MAP3K14: variants seen among roughly 807,000 people sequenced by gnomAD.
The protein encoded by MAP3K14 is mitogen-activated protein kinase kinase kinase 14, also known as NF-kappa-beta-inducing kinase.
A neutral mutation model predicts 99.2 loss-of-function variants in MAP3K14; 16 were observed. That is an observed-to-expected ratio of 0.16 (90% confidence interval 0.11 to 0.24). The LOEUF (loss-of-function observed/expected upper bound fraction) is 0.24. MAP3K14 is among the 10% of genes least tolerant of loss of function. The probability of loss-of-function intolerance (pLI) is 1.00; values close to 1 mark genes in which losing one functional copy is unlikely to be tolerated. For missense variants in MAP3K14, 784 were observed against 1,208.7 expected, an observed-to-expected ratio of 0.65 and a Z score of 5.21; for synonymous variants, 462 against 492.4, an observed-to-expected ratio of 0.94 and a Z score of 0.82.
Position 45,284,944 on chromosome 17 carries a change from G to T in MAP3K14, c.1158C>A (p.Leu386=), listed in dbSNP as rs2044252246. 1 of 1,551,954 alleles carries T rather than the reference G, an allele frequency of 6.4e-7. No homozygotes were observed. The highest frequency in any genetic ancestry group is 8.7e-7 in the Non-Finnish European group (1 of 1,147,182). Residue 386 remains leucine, a synonymous_variant, in exon 6 of 16, where the codon CTC becomes CTA. Transcript: ENST00000344686. ...CTCGGTACTCATAATCCACTGGCTTGAGTTTCTGGGGTTGGCAGGAGAGAG... is the reference window on the plus strand; with the variant it reads ...CTCGGTACTCATAATCCACTGGCTTTAGTTTCTGGGGTTGGCAGGAGAGAG... ...DNEGVLLTEK[L]KPVDYEYREE...
chr17:45,270,271 CCT>C, intron 11 of MAP3K14, 140 bp downstream of exon 11: 1 of 1,086,376 alleles, frequency 9.2e-7, no homozygotes, highest in Non-Finnish European at 1.3e-6. Context: ...TCCCAACAAC[CCT>C]GAGGCTGCTG....
chr17:45,312,977 G>C (rs74996617), intron 1 of MAP3K14, among the ~76,000 whole-genome samples: 1 of 152,082 alleles, frequency 6.6e-6, no homozygotes, highest in Admixed American at 6.5e-5. Flanking sequence ...ACTTGATCAC[G>C]TGTGGGACAC....
rs1445277946 is a variant in MAP3K14 at position 45,284,823 on chromosome 17, C to T, written c.1279G>A (p.Ala427Thr). ...MEDKQTGFQC[A>T]VKKVRLEVFR... Reference sequence around the variant, plus strand: ...GAGCCCTGGCGTACCTTTTTGACAGCGCACTGGAAGCCAGTCTGCTTGTCC... The same window carrying T: ...GAGCCCTGGCGTACCTTTTTGACAGTGCACTGGAAGCCAGTCTGCTTGTCC... Residue 427 changes from alanine to threonine, a missense_variant, in exon 6 of 16, where the codon GCT (alanine) becomes ACT (threonine). Ala to Thr is a moderately conservative substitution (Grantham distance 58). This residue lies in a region of MAP3K14 where 200 missense variants were observed against 367.9 expected (regional missense o/e 0.54). Transcript: ENST00000344686. The T allele has an allele frequency of 3.8e-6, 6 of 1,595,088 alleles. No homozygotes were observed. Among genetic ancestry groups the T allele is most frequent in the Admixed American group, 1.7e-5 (1 of 57,500 alleles).
chr17:45,288,376 C>A (rs1438764501), intron 3 of MAP3K14, among the ~76,000 whole-genome samples: 2 of 111,564 alleles, frequency 1.8e-5, no homozygotes, highest in East Asian at 5.7e-4. Flanking sequence ...AGCTTGAACT[C>A]TTGTTTTTTT....
intron 10 of MAP3K14, 167 bp downstream of exon 10, chr17:45,270,891 C>T: frequency 9.9e-7 from 1 of 1,011,396 alleles, no homozygotes; most frequent in Non-Finnish European, 1.5e-6. Context: ...TGGATCTCCC[C>T]TTGTACCCCC....
At chr17:45,313,295 C>G (rs2044498523) in intron 1 of MAP3K14, among the ~76,000 whole-genome samples, 1 of 152,100 alleles carries the variant, frequency 6.6e-6, no homozygotes, top group Non-Finnish European at 1.5e-5. Flanking sequence ...ACTACTACTA[C>G]TATTACTACC....
At chr17:45,273,299 A>G (rs11079502) in intron 9 of MAP3K14, among the ~76,000 whole-genome samples, 80,377 of 151,998 alleles carry the variant, frequency 0.53, 21,392 homozygotes, top group Non-Finnish European at 0.55. Context: ...CCCTGTGTAC[A>G]GGAGCATCGA....
Position 45,274,504 on chromosome 17 carries a change from T to C in MAP3K14, c.1380A>G (p.Arg460=), listed in dbSNP as rs1241863222. ...TGAAGATGTTGACCCAAGGCCCTTCTCTCACAGCTCCATACAAAGGGACAA... is the reference window on the plus strand; with the variant it reads ...TGAAGATGTTGACCCAAGGCCCTTCCCTCACAGCTCCATACAAAGGGACAA... ...PRIVPLYGAV[R]EGPWVNIFME... Residue 460 remains arginine, a synonymous_variant, in exon 7 of 16, where the codon AGA becomes AGG. Coordinates refer to ENST00000344686, the MANE Select transcript of MAP3K14 (RefSeq NM_003954.5). 6.2e-7 allele frequency: 1 copy of C among 1,614,018 alleles called. No individual in the cohort carries two copies. Among genetic ancestry groups the C allele is most frequent in the South Asian group, 1.1e-5 (1 of 91,082 alleles).
intron 1 of MAP3K14, among the ~76,000 whole-genome samples, chr17:45,302,399 T>C (rs111244088): frequency 0.098 from 14,900 of 152,116 alleles, 893 homozygotes; most frequent in Admixed American, 0.15. Context: ...CTTCCGCCTC[T>C]TGGGTTCAAG....
chr17:45,274,487 T>C lies in MAP3K14; in HGVS notation c.1397A>G (p.Asn466Ser), dbSNP rs2044164124. 3.1e-6 allele frequency: 5 copies of C among 1,613,944 alleles called. No individual in the cohort carries two copies. Among genetic ancestry groups the C allele is most frequent in the South Asian group, 1.1e-5 (1 of 91,066 alleles). Residue 466 changes from asparagine to serine, a missense_variant, in exon 7 of 16, where the codon AAC (asparagine) becomes AGC (serine). Physicochemically the swap from Asn to Ser is conservative, Grantham distance 46 (BLOSUM62 1). This residue lies in a region of MAP3K14 where 200 missense variants were observed against 367.9 expected (regional missense o/e 0.54). Transcript: ENST00000344686. Reference sequence around the variant, plus strand: ...ACCTTCCAGCAGCTCCATGAAGATGTTGACCCAAGGCCCTTCTCTCACAGC... The same window carrying C: ...ACCTTCCAGCAGCTCCATGAAGATGCTGACCCAAGGCCCTTCTCTCACAGC... ...YGAVREGPWV[N>S]IFMELLEGGS...
intron 1 of MAP3K14, among the ~76,000 whole-genome samples, chr17:45,303,872 G>A (rs981306784): frequency 4.0e-5 from 6 of 150,934 alleles, no homozygotes; most frequent in Non-Finnish European, 8.9e-5. Context: ...GTGAGCCACC[G>A]TGCCTGGCCT....
chr17:45,295,136 T>C (rs546497221), intron 1 of MAP3K14, among the ~76,000 whole-genome samples: 1 of 152,344 alleles, frequency 6.6e-6, no homozygotes, highest in African/African-American at 2.4e-5. Flanking sequence ...GAATATATCA[T>C]ATTTCATTCA....
At position 45,313,274 on chromosome 17, in the gene MAP3K14, TTAC is replaced by T. The variant is rs377671447; in HGVS notation, c.-21+3683_-21+3685del. On this transcript the variant is annotated intron_variant, in intron 1 of 15. Transcript: ENST00000344686. ...TAATTGGCAACTACTACTGCTACTA[TTAC>T]TACTACTACTACTACTACTATTACT... is the stretch of plus-strand genomic sequence containing the variant. Among the ~76,000 whole-genome samples, 454 of 151,630 alleles carry T rather than the reference TTAC, an allele frequency of 3.0e-3. 2 individuals carry two copies. The highest frequency in any genetic ancestry group is 0.01 in the African/African-American group (417 of 41,380).
intron 2 of MAP3K14, among the ~76,000 whole-genome samples, chr17:45,289,883 G>A (rs774469279): frequency 2.0e-5 from 3 of 152,192 alleles, no homozygotes; most frequent in Non-Finnish European, 2.9e-5. Flanking sequence ...GAGGGAAGGC[G>A]TTGGAGAGAG....
Position 45,274,609 on chromosome 17 carries a change from G to T in MAP3K14, c.1291-16C>A, listed in dbSNP as rs750156565. On this transcript the variant is annotated splice_polypyrimidine_tract_variant and intron_variant, in intron 6 of 15. Coordinates refer to ENST00000344686, the MANE Select transcript of MAP3K14 (RefSeq NM_003954.5). ...CCAGCCGCACCTGCAAGGGCCCAGA[G>T]GCAGCTGTTAAGACAGGGTGAGGGG... 6 of 1,612,252 alleles carry T rather than the reference G, an allele frequency of 3.7e-6. No individual in the cohort carries two copies. Among genetic ancestry groups the T allele is most frequent in the Middle Eastern group, 1.8e-4 (1 of 5,470 alleles).
intron 1 of MAP3K14, among the ~76,000 whole-genome samples, chr17:45,307,274 A>AAATT (rs1039245342): frequency 2.0e-5 from 3 of 152,058 alleles, no homozygotes; most frequent in Non-Finnish European, 2.9e-5. Context: ...TTAAAAAAAA[A>AAATT]AATTAATTAA....
Position 45,267,377 on chromosome 17 carries a change from G to A in MAP3K14, c.2326+29C>T. The A allele has an allele frequency of 5.8e-6, 9 of 1,554,754 alleles. No individual in the cohort carries two copies. Among genetic ancestry groups the A allele is most frequent in the Non-Finnish European group, 7.0e-6 (8 of 1,149,542 alleles). On this transcript the variant is annotated intron_variant, in intron 12 of 15. Transcript: ENST00000344686. The surrounding 1 kb of genome is among the most constrained non-coding windows in gnomAD (Gnocchi z 5.1). ...CGGGTGGCCCAGGGCCAGTGCTCAG[G>A]GCCCCACTGCAGCCACGGCTGCCCG...
chr17:45,312,666 C>A (rs1458441980), intron 1 of MAP3K14, among the ~76,000 whole-genome samples: 2 of 152,304 alleles, frequency 1.3e-5, no homozygotes, highest in Non-Finnish European at 2.9e-5. Flanking sequence ...CTCAGCCTCT[C>A]AAGTAGCTGG....
At chr17:45,293,887 CCTAATT>C (rs1416262388) in intron 1 of MAP3K14, among the ~76,000 whole-genome samples, 1 of 152,138 alleles carries the variant, frequency 6.6e-6, no homozygotes, top group Non-Finnish European at 1.5e-5. Context: ...TCCCTCCTTT[CCTAATT>C]CTATCTGGAC....
Sources: gnomAD v4.1 joint callset for allele counts (sites outside exome capture counted in the v4.1 genomes callset) on GRCh38, gnomAD v4.1.1 for gene constraint, gnomAD v4.1.1 regional missense constraint, Gnocchi (gnomAD v3.1) non-coding constraint, MANE v1.5 for transcripts, NCBI Gene and HGNC (gene_info 2026-07-23, HGNC 2026-07-21) for gene names.